LAPTM5: variants seen among roughly 807,000 people sequenced by gnomAD.
LAPTM5 encodes the protein lysosomal protein transmembrane 5.
LAPTM5 carries 11 observed loss-of-function variants against 30.1 expected under a neutral mutation model. The ratio of observed to expected loss-of-function variants is 0.37; its 90% CI spans 0.23 to 0.60. The LOEUF is 0.60. Among genes scored for constraint, LAPTM5 ranks in the 20% least tolerant of loss-of-function variants. LAPTM5 has a pLI of 0.71. For synonymous variants in LAPTM5, 151 were observed against 137.9 expected (o/e 1.10, Z -0.67); for missense variants, 324 against 332.5 (o/e 0.97, Z 0.20).
intron 1 of LAPTM5, among the ~76,000 whole-genome samples, chr1:30,744,825 C>T (rs1356040716): frequency 1.3e-5 from 2 of 152,126 alleles, no homozygotes; most frequent in East Asian, 1.9e-4. Context: ...GATCATGCAT[C>T]TATGTCAGTA....
rs1419633469 is a variant in LAPTM5, at chr1:30,750,385, A to G, written c.87+7274T>C. On this transcript the variant is annotated intron_variant, in intron 1 of 7. Transcript: ENST00000294507. ...TTATTAGACGCCAGGTCCTCTTCTG[A>G]ACTTATACAGTCGGCCCTCTGTATC... is the stretch of plus-strand genomic sequence containing the variant. 5.9e-5 allele frequency among the ~76,000 whole-genome samples: 9 copies of G among 152,304 alleles called. 1 individual carries two copies. The South Asian group carries it at 1.9e-3, about 32-fold the overall frequency.
In LAPTM5 at chr1:30,732,555, A is replaced by G. The variant is rs1400884847; in HGVS notation, c.*1273T>C. The G allele has an allele frequency of 6.6e-6, 1 of 151,578 alleles. No individual in the cohort carries two copies. The highest frequency in any genetic ancestry group is 1.5e-5 in the Non-Finnish European group (1 of 67,858). 9.4% of individuals were successfully genotyped at this position (151,578 alleles called of 1,614,324 possible). ...GGGTATTGCCAGGGAGCTCTTGCAG[A>G]GCCTTCTCCCTCTGTACCCCCCGAC... On this transcript the variant is annotated 3_prime_UTR_variant, in exon 8 of 8. Transcript: ENST00000294507.
intron 6 of LAPTM5, among the ~76,000 whole-genome samples, chr1:30,736,605 T>C (rs1230684374): frequency 2.6e-5 from 4 of 151,970 alleles, no homozygotes; most frequent in Non-Finnish European, 5.9e-5. Flanking sequence ...AACTTTTTTT[T>C]TTTTATGTTT....
Position 30,742,327 on chromosome 1 carries a change from AC to A in LAPTM5, c.181+128del, listed in dbSNP as rs976159690. 150 of 647,014 alleles carry A rather than the reference AC, an allele frequency of 2.3e-4. 1 individual carries two copies. Among genetic ancestry groups the A allele is most frequent in the Non-Finnish European group, 5.4e-5 (20 of 369,836 alleles). The allele number at this position is 647,014 out of a possible 1,614,324, so 40.1% of individuals were successfully genotyped here. A position where few individuals can be genotyped will look rare whatever the true frequency, so the allele number is the denominator to read the frequency against. ...ACAGCTGAGGCCCCAAGAAAGGAAGACACTTGCCAGAGGTCATCCATCGTCC... is the reference window on the plus strand; with the variant it reads ...ACAGCTGAGGCCCCAAGAAAGGAAGAACTTGCCAGAGGTCATCCATCGTCC... On this transcript the variant is annotated intron_variant, in intron 2 of 7. Transcript: ENST00000294507.
chr1:30,740,046 C>A, intron 3 of LAPTM5, 109 bp from the exon 4 acceptor site: 1 of 1,292,236 alleles, frequency 7.7e-7, no homozygotes, highest in Non-Finnish European at 1.0e-6. Flanking sequence ...CAAACCTTCC[C>A]TGCCCTCCTC....
At chr1:30,749,143 T>C (rs1640091798) in intron 1 of LAPTM5, among the ~76,000 whole-genome samples, 1 of 152,214 alleles carries the variant, frequency 6.6e-6, no homozygotes, top group Non-Finnish European at 1.5e-5. Context: ...GGTAGATTCA[T>C]ACAATGGAGT....
intron 1 of LAPTM5, among the ~76,000 whole-genome samples, chr1:30,744,842 T>C (rs932774900): frequency 6.6e-6 from 1 of 152,128 alleles, no homozygotes; most frequent in African/African-American, 2.4e-5. Flanking sequence ...AGTAAAACCT[T>C]TTGCACACAC....
chr1:30,736,012 G>A (rs539147511), intron 6 of LAPTM5, among the ~76,000 whole-genome samples: 2 of 152,270 alleles, frequency 1.3e-5, no homozygotes, highest in East Asian at 3.9e-4. Flanking sequence ...CAGAATGAGG[G>A]TCAAAGAGGG....
intron 1 of LAPTM5, among the ~76,000 whole-genome samples, chr1:30,743,325 GAACA>G (rs1639997836): frequency 6.6e-6 from 1 of 151,988 alleles, no homozygotes; most frequent in African/African-American, 2.4e-5. Context: ...ATGAATGAAT[GAACA>G]AATGAACCCC....
At chr1:30,738,168 G>A (rs988219083) in intron 5 of LAPTM5, among the ~76,000 whole-genome samples, 1 of 152,188 alleles carries the variant, frequency 6.6e-6, no homozygotes, top group South Asian at 2.1e-4. Flanking sequence ...CACATTCTTT[G>A]AGACGCCTCC....
chr1:30,741,061 A>G (rs1048668884), intron 3 of LAPTM5, among the ~76,000 whole-genome samples: 1 of 151,962 alleles, frequency 6.6e-6, no homozygotes, highest in African/African-American at 2.4e-5. Context: ...CTCCCACCAG[A>G]TTTGCCTCGG....
chr1:30,738,268 T>C (rs547841577), intron 5 of LAPTM5, among the ~76,000 whole-genome samples: 1 of 152,342 alleles, frequency 6.6e-6, no homozygotes, highest in Non-Finnish European at 1.5e-5. Context: ...GCAGAAGTGA[T>C]AGAAGTCTTA....
chr1:30,733,766 A>G lies in LAPTM5; in HGVS notation c.*62T>C. The stretch of plus-strand genomic sequence containing the variant: ...CCCAGGCCACAGGGGCCACCAAAGC[A>G]AAAAAGCAGATTATGAGGCAGCTCC... On this transcript the variant is annotated 3_prime_UTR_variant, in exon 8 of 8. Transcript: ENST00000294507. 8 of 1,562,194 alleles carry G rather than the reference A, an allele frequency of 5.1e-6. No individual in the cohort carries two copies. Among genetic ancestry groups the G allele is most frequent in the African/African-American group, 1.4e-5 (1 of 73,204 alleles).
intron 5 of LAPTM5, 122 bp downstream of exon 5, chr1:30,738,818 T>C: frequency 1.8e-6 from 2 of 1,100,938 alleles, no homozygotes; most frequent in Non-Finnish European, 1.3e-6. Context: ...AGCACAAGAA[T>C]CTTCCTCCCA....
chr1:30,740,752 A>T (rs1412575105), intron 3 of LAPTM5, among the ~76,000 whole-genome samples: 1 of 152,110 alleles, frequency 6.6e-6, no homozygotes, highest in African/African-American at 2.4e-5. Flanking sequence ...ACCCACAGCC[A>T]CCCTGCACAA....
intron 1 of LAPTM5, among the ~76,000 whole-genome samples, chr1:30,747,107 C>CT (rs2124191318): frequency 6.6e-6 from 1 of 152,242 alleles, no homozygotes; most frequent in East Asian, 1.9e-4. Context: ...TGAGGGAGAG[C>CT]GCATTGCTGT....
At position 30,756,258 on chromosome 1, in the gene LAPTM5, T is replaced by C. The variant is rs545117502; in HGVS notation, c.87+1401A>G. ...AAGAGTGATTTGCTTCTCTCAGCTC[T>C]TGCATTGGCAGGAGCTCGGAAGGAC... On this transcript the variant is annotated intron_variant, in intron 1 of 7. Transcript: ENST00000294507. Among the ~76,000 whole-genome samples the C allele has an allele frequency of 5.3e-5, 8 of 152,336 alleles. 1 individual carries two copies. Among genetic ancestry groups the C allele is most frequent in the African/African-American group, 1.7e-4 (7 of 41,574 alleles).
In LAPTM5 at chr1:30,733,853, G is replaced by A. The variant is rs374167496; in HGVS notation, c.764C>T (p.Ala255Val). ...TCACACCTCTGAGTATGGGGGTGGT[G>A]CTGGGCCCCCCTCTGGGGTCTTCGA... ...LPSKTPEGGPAPPPYSEV is the reference protein window; with the variant it reads ...LPSKTPEGGPVPPPYSEV The change falls in exon 8 of 8, where the codon GCA becomes GTA. Residue 255 changes from alanine (A) to valine (V), a missense_variant. Coordinates refer to ENST00000294507, the MANE Select transcript of LAPTM5 (RefSeq NM_006762.3). The A allele has an allele frequency of 1.6e-5, 26 of 1,609,736 alleles. No homozygotes were observed. In the African/African-American group the frequency reaches 2.1e-4, roughly 13 times the overall value.
intron 1 of LAPTM5, among the ~76,000 whole-genome samples, chr1:30,745,563 C>A (rs542791072): frequency 6.6e-6 from 1 of 152,330 alleles, no homozygotes; most frequent in Non-Finnish European, 1.5e-5. Context: ...CGGCAGGGGA[C>A]GAGGGAGGAC....
Sources: allele counts gnomAD v4.1 joint callset (sites outside exome capture counted in the v4.1 genomes callset), GRCh38; gene constraint gnomAD v4.1.1; transcripts MANE v1.5; gene names NCBI Gene and HGNC (gene_info 2026-07-23, HGNC 2026-07-21).